The following PDE12 variants were observed in gnomAD, a reference collection of about 807,000 sequenced individuals.
The protein encoded by PDE12 is phosphodiesterase 12.
PDE12 carries 26 observed loss-of-function variants against 45.4 expected under a neutral mutation model. The observed-to-expected ratio is 0.57, with a 90% CI of 0.42 to 0.79. PDE12 has a LOEUF of 0.79. Ranked by LOEUF, PDE12 falls within the 30% of genes least tolerant of loss-of-function variation. The probability of loss-of-function intolerance (pLI) is 0.00; values close to 1 mark genes in which losing one functional copy is unlikely to be tolerated. For missense variants in PDE12, 668 were observed against 790.0 expected (o/e 0.85, Z 1.85); for synonymous variants, 283 against 323.9 (o/e 0.87, Z 1.36).
At chr3:57,614,532 TTTTTG>T in the PDE12 span, among the ~76,000 whole-genome samples, 164 of 123,866 alleles carry the variant, frequency 1.3e-3, no homozygotes, top group Middle Eastern at 8.4e-3. Flanking sequence ...CGTTTTTTTT[TTTTTG>T]TTTTTTGTTT....
At chr3:57,571,701 G>A (rs1377433209), downstream of PDE12, 1 of 153,112 alleles carries the variant, frequency 6.5e-6, no homozygotes, top group Non-Finnish European at 1.5e-5. Context: ...CAATGTAGGG[G>A]GAAAAATTTC....
chr3:57,638,233 A>G, the PDE12 span, among the ~76,000 whole-genome samples: 254 of 152,224 alleles, frequency 1.7e-3, no homozygotes, highest in African/African-American at 6.0e-3. Context: ...CAAAGCATAT[A>G]TCTAATAAGG....
the PDE12 span, among the ~76,000 whole-genome samples, chr3:57,629,163 A>C: frequency 2.0e-5 from 3 of 152,248 alleles, no homozygotes; most frequent in Non-Finnish European, 4.4e-5. Context: ...ACAAAATTGC[A>C]GCTCAAACTG....
the PDE12 span, among the ~76,000 whole-genome samples, chr3:57,620,681 A>G: frequency 2.0e-5 from 3 of 152,178 alleles, no homozygotes; most frequent in Non-Finnish European, 4.4e-5. Context: ...TACTATTTTG[A>G]ACTAAATTTT....
At chr3:57,631,305 T>C in the PDE12 span, 3 of 201,436 alleles carry the variant, frequency 1.5e-5, no homozygotes, top group African/African-American at 2.3e-5. Flanking sequence ...CAAGCGATTC[T>C]CCCGCCTCAG....
the PDE12 span, among the ~76,000 whole-genome samples, chr3:57,573,212 AAAAG>A: frequency 6.6e-5 from 10 of 151,818 alleles, no homozygotes; most frequent in East Asian, 1.9e-4. Context: ...AAAAAAAAAA[AAAAG>A]AAAGAAAGAA....
chr3:57,606,787 G>A, the PDE12 span, among the ~76,000 whole-genome samples: 2 of 152,064 alleles, frequency 1.3e-5, no homozygotes, highest in Non-Finnish European at 2.9e-5. Flanking sequence ...ATATAATAGC[G>A]GGGCAGTTCC....
At chr3:57,582,549 C>G in the PDE12 span, among the ~76,000 whole-genome samples, 6 of 152,052 alleles carry the variant, frequency 3.9e-5, no homozygotes, top group African/African-American at 1.2e-4. Flanking sequence ...CCTAAACATT[C>G]TCGTTTTTAA....
rs1238602777 is a variant in PDE12, at chr3:57,563,370, A to G, written c.*3366A>G. 1 of 152,018 alleles carries G rather than the reference A, an allele frequency of 6.6e-6. No individual in the cohort carries two copies. The highest frequency in any genetic ancestry group is 6.6e-5 in the Admixed American group (1 of 15,256). The allele number at this position is 152,018 out of a possible 1,614,324, so 9.4% of individuals were successfully genotyped here. A position where few individuals can be genotyped will look rare whatever the true frequency, so the allele number is the denominator to read the frequency against. ...TCTTTTTTTCTTTTTTTATTATTAT[A>G]CTTTAAGTTCTAGTGTACATGTGCC... On this transcript the variant is annotated 3_prime_UTR_variant, in exon 3 of 3. Coordinates refer to ENST00000311180, the MANE Select transcript of PDE12 (RefSeq NM_177966.7).
chr3:57,636,778 A>G, the PDE12 span, among the ~76,000 whole-genome samples: 5 of 151,960 alleles, frequency 3.3e-5, no homozygotes, highest in Non-Finnish European at 7.4e-5. Context: ...CTCCACTAAA[A>G]ATACAAAAAT....
chr3:57,653,941 CTTTTTTTT>C, the PDE12 span, among the ~76,000 whole-genome samples: 1 of 75,820 alleles, frequency 1.3e-5, no homozygotes, highest in African/African-American at 6.1e-5. Flanking sequence ...TAGAAATTCA[CTTTTTTTT>C]TTTTTTTTTT....
At chr3:57,596,867 C>T in the PDE12 span, 3 of 577,960 alleles carry the variant, frequency 5.2e-6, no homozygotes. Context: ...GAAGCCCTGT[C>T]CCTGTCTCGT....
chr3:57,630,509 G>C, the PDE12 span: 5 of 1,589,058 alleles, frequency 3.1e-6, no homozygotes, highest in Non-Finnish European at 4.3e-6. Flanking sequence ...AAAATTTGGA[G>C]ACTTTAGGAA....
chr3:57,639,433 G>A, the PDE12 span, among the ~76,000 whole-genome samples: 1 of 152,152 alleles, frequency 6.6e-6, no homozygotes, highest in Admixed American at 6.5e-5. Flanking sequence ...ATCTAGCAGA[G>A]AGACTTCTTC....
downstream of PDE12, among the ~76,000 whole-genome samples, chr3:57,570,910 CATTTT>C (rs1161720037): frequency 6.6e-6 from 1 of 152,114 alleles, no homozygotes; most frequent in Admixed American, 6.6e-5. Flanking sequence ...TTGGGCAGTT[CATTTT>C]ATTACAGCCT....
At chr3:57,582,753 T>G in the PDE12 span, among the ~76,000 whole-genome samples, 2 of 55,160 alleles carry the variant, frequency 3.6e-5, no homozygotes, top group African/African-American at 7.3e-5. Flanking sequence ...TTAAAAAAAA[T>G]TATTAAGTAA....
At chr3:57,655,942 A>G in the PDE12 span, among the ~76,000 whole-genome samples, 1,995 of 152,324 alleles carry the variant, frequency 0.013, 49 homozygotes, top group African/African-American at 0.045. Context: ...TTATTCCTTA[A>G]TGAGTCAAGT....
the PDE12 span, chr3:57,598,056 G>A: frequency 6.6e-6 from 1 of 152,174 alleles, no homozygotes; most frequent in South Asian, 2.1e-4. Flanking sequence ...GAGAAGGCAA[G>A]GAGGAAGTCT....
chr3:57,602,191 C>T, the PDE12 span, among the ~76,000 whole-genome samples: 2 of 152,186 alleles, frequency 1.3e-5, no homozygotes, highest in African/African-American at 4.8e-5. Context: ...ATCCTCTCAA[C>T]AGTTTAATCC....
Sources: allele counts gnomAD v4.1 joint callset (sites outside exome capture counted in the v4.1 genomes callset), GRCh38; gene constraint gnomAD v4.1.1; transcripts MANE v1.5; gene names NCBI Gene and HGNC (gene_info 2026-07-23, HGNC 2026-07-21).